The following ODAD2 variants were observed in gnomAD, a reference collection of about 807,000 sequenced individuals.
The protein encoded by ODAD2 is outer dynein arm docking complex subunit 2.
In ODAD2, 89 loss-of-function variants were observed where a neutral mutation model predicts 106.8. That is an observed-to-expected ratio of 0.83 (90% CI 0.70 to 0.99). ODAD2 has a LOEUF of 0.99. ODAD2 is among the 50% of genes least tolerant of loss of function. The probability of loss-of-function intolerance (pLI) is 0.00; values close to 1 mark genes in which losing one functional copy is unlikely to be tolerated. For missense variants in ODAD2, 1,168 were observed against 1,238.5 expected, an observed-to-expected ratio of 0.94 and a Z score of 0.85; for synonymous variants, 404 against 436.2, an observed-to-expected ratio of 0.93 and a Z score of 0.92.
intron 17 of ODAD2, among the ~76,000 whole-genome samples, chr10:27,885,083 A>C (rs1320387859): frequency 2.6e-5 from 4 of 152,202 alleles, no homozygotes; most frequent in Non-Finnish European, 4.4e-5. Context: ...TGAAAAAAGA[A>C]AATACATCAG....
chr10:27,820,725 A>ATGCTGGT (rs1172978562), intron 19 of ODAD2, among the ~76,000 whole-genome samples: 1 of 148,796 alleles, frequency 6.7e-6, no homozygotes, highest in Non-Finnish European at 1.5e-5. Context: ...TATATCCCAT[A>ATGCTGGT]TGCTGGTTGG....
chr10:27,910,567 G>C (rs1040785998), intron 16 of ODAD2, among the ~76,000 whole-genome samples: 6 of 151,896 alleles, frequency 4.0e-5, no homozygotes, highest in Non-Finnish European at 7.4e-5. Context: ...ACTAGCCCAG[G>C]CAACAAAGGA....
intron 17 of ODAD2, chr10:27,904,347 G>T (rs2368274): frequency 0.12 from 33,270 of 280,448 alleles, 2,892 homozygotes; most frequent in East Asian, 0.46. Flanking sequence ...GAAGCAGAGC[G>T]GGAATCTTGG....
intron 17 of ODAD2, among the ~76,000 whole-genome samples, chr10:27,890,602 T>C (rs940174299): frequency 4.6e-5 from 7 of 151,692 alleles, no homozygotes; most frequent in Admixed American, 3.3e-4. Flanking sequence ...CTCTGTGGAG[T>C]AGGGAATGGG....
At chr10:27,879,462 A>G (rs966034103) in intron 17 of ODAD2, among the ~76,000 whole-genome samples, 1 of 151,670 alleles carries the variant, frequency 6.6e-6, no homozygotes, top group Non-Finnish European at 1.5e-5. Flanking sequence ...TAAAATGTAT[A>G]TATATTTAAA....
At chr10:27,833,183 A>G (rs1384368218) in intron 19 of ODAD2, among the ~76,000 whole-genome samples, 1 of 152,230 alleles carries the variant, frequency 6.6e-6, no homozygotes, top group Non-Finnish European at 1.5e-5. Context: ...GCATTCTCAA[A>G]TACAGTGCAT....
intron 10 of ODAD2, among the ~76,000 whole-genome samples, chr10:27,952,554 C>T (rs12355681): frequency 0.38 from 57,872 of 151,912 alleles, 12,226 homozygotes; most frequent in Middle Eastern, 0.59. Flanking sequence ...TGCCCATCCC[C>T]TTTCCCTGAC....
chr10:27,875,493 C>T (rs1202084862), intron 17 of ODAD2, among the ~76,000 whole-genome samples: 1 of 152,110 alleles, frequency 6.6e-6, no homozygotes, highest in Non-Finnish European at 1.5e-5. Flanking sequence ...TTTTATCTAC[C>T]TTTGGTCTTT....
intron 16 of ODAD2, among the ~76,000 whole-genome samples, chr10:27,910,720 G>A (rs1843948650): frequency 6.6e-6 from 1 of 152,092 alleles, no homozygotes; most frequent in Non-Finnish European, 1.5e-5. Flanking sequence ...TTGCGCCACT[G>A]CACTCTAGCC....
At chr10:27,900,988 G>T (rs946463395) in intron 17 of ODAD2, among the ~76,000 whole-genome samples, 4 of 152,060 alleles carry the variant, frequency 2.6e-5, no homozygotes, top group Admixed American at 1.3e-4. Context: ...TCCTCGAGAA[G>T]AACAACCCCA....
chr10:27,819,749 T>C (rs1564394258), intron 19 of ODAD2, among the ~76,000 whole-genome samples: 1 of 151,208 alleles, frequency 6.6e-6, no homozygotes, highest in Non-Finnish European at 1.5e-5. Context: ...TCAAAACCCA[T>C]ACCCTTGACT....
chr10:27,930,575 C>T (rs970447987), intron 16 of ODAD2, among the ~76,000 whole-genome samples: 1 of 148,554 alleles, frequency 6.7e-6, no homozygotes. Flanking sequence ...TGCAGTGAGC[C>T]GAGATCATGC....
intron 7 of ODAD2, among the ~76,000 whole-genome samples, chr10:27,976,794 CT>C (rs1849218148): frequency 6.6e-6 from 1 of 152,022 alleles, no homozygotes; most frequent in Non-Finnish European, 1.5e-5. Context: ...AGCCAAAAAA[CT>C]TTTTTGAAAG....
intron 17 of ODAD2, among the ~76,000 whole-genome samples, chr10:27,871,766 G>T (rs1250803439): frequency 6.6e-6 from 1 of 152,170 alleles, no homozygotes; most frequent in African/African-American, 2.4e-5. Flanking sequence ...TAGCCTTGTA[G>T]TATAGTTTGA....
chr10:27,882,938 A>AT (rs1421071975), intron 17 of ODAD2, among the ~76,000 whole-genome samples: 1 of 152,082 alleles, frequency 6.6e-6, no homozygotes. Context: ...CAAAAAAAAA[A>AT]GCTGCTTGAG....
In ODAD2 at chr10:27,952,860, C is replaced by CT. The variant is rs373695337; in HGVS notation, c.1387-7899dup. Among the ~76,000 whole-genome samples, 584 of 151,970 alleles carry CT rather than the reference C, an allele frequency of 3.8e-3. 2 individuals are homozygous for CT. Among genetic ancestry groups the CT allele is most frequent in the African/African-American group, 0.014 (566 of 41,448 alleles). On this transcript the variant is annotated intron_variant, in intron 10 of 19. Transcript: ENST00000305242. ...TTGCTTTCTGTAAGGAGCTATGAAA[C>CT]TTTTTTTTACATAAACCAAGTTTGT...
intron 17 of ODAD2, among the ~76,000 whole-genome samples, chr10:27,903,632 A>G (rs1843370707): frequency 6.6e-6 from 1 of 152,238 alleles, no homozygotes; most frequent in Non-Finnish European, 1.5e-5. Context: ...TGCAAAAGTC[A>G]TAAGCATTCC....
Position 27,994,931 on chromosome 10 carries a change from C to T in ODAD2, c.212G>A (p.Gly71Asp). 6.2e-7 allele frequency: 1 copy of T among 1,614,138 alleles called. No homozygotes were observed. Among genetic ancestry groups the T allele is most frequent in the Non-Finnish European group, 8.5e-7 (1 of 1,180,026 alleles). The stretch of plus-strand genomic sequence containing the variant: ...GTAACTGGCTTACCTGACAACATAA[C>T]CTGATTCAAATGCTGAGGGCGCCAA... Reference protein sequence around the residue: ...TSLAPSAFESGYVVSETTVKS... With the variant: ...TSLAPSAFESDYVVSETTVKS... The change falls in exon 2 of 20, where the codon GGT becomes GAT. Residue 71 changes from glycine to aspartate, a missense_variant. Physicochemically the swap from Gly to Asp is moderately conservative, Grantham distance 94. This residue lies in a region of ODAD2 where 430 missense variants were observed against 452.2 expected (regional missense o/e 0.95). Transcript: ENST00000305242.
At chr10:27,882,174 A>AAAG (rs982677701) in intron 17 of ODAD2, among the ~76,000 whole-genome samples, 4 of 29,220 alleles carry the variant, frequency 1.4e-4, no homozygotes, top group Admixed American at 1.2e-3. Context: ...TCATAAAAAA[A>AAAG]AAGAAAGAAA....
Sources: allele counts gnomAD v4.1 joint callset (sites outside exome capture counted in the v4.1 genomes callset), GRCh38; gene constraint gnomAD v4.1.1; regional missense constraint gnomAD v4.1.1; transcripts MANE v1.5; gene names NCBI Gene and HGNC (gene_info 2026-07-23, HGNC 2026-07-21).